The following NCAM2 variants were observed in gnomAD, a reference collection of about 807,000 sequenced individuals.
NCAM2 encodes N-CAM-2.
NCAM2 carries 30 observed loss-of-function variants against 98.1 expected under a neutral mutation model. The ratio of observed to expected loss-of-function variants is 0.31; its 90% CI spans 0.23 to 0.41. The LOEUF is 0.41. NCAM2 is among the 10% of genes least tolerant of loss of function. The pLI is 1.00. For missense variants in NCAM2, 867 were observed against 1,005.8 expected (o/e 0.86, Z 1.87); for synonymous variants, 368 against 342.4 (o/e 1.07, Z -0.83).
chr21:21,516,170 T>A (rs1988701322), intron 16 of NCAM2, among the ~76,000 whole-genome samples: 1 of 152,282 alleles, frequency 6.6e-6, no homozygotes, highest in East Asian at 1.9e-4. Context: ...CAGTTTGTAC[T>A]CTTTCGTGTC....
At chr21:21,387,187 T>TACACACACACACACAC (rs61585220) in intron 9 of NCAM2, among the ~76,000 whole-genome samples, 7 of 121,314 alleles carry the variant, frequency 5.8e-5, no homozygotes, top group African/African-American at 1.1e-4. Context: ...CACACACACA[T>TACACACACACACACAC]ACACACACAC....
intron 14 of NCAM2, among the ~76,000 whole-genome samples, chr21:21,470,089 A>G (rs73896919): frequency 0.016 from 2,419 of 152,134 alleles, 71 homozygotes; most frequent in African/African-American, 0.056. Flanking sequence ...CTAAAATGCA[A>G]TGACTACTTG....
intron 8 of NCAM2, among the ~76,000 whole-genome samples, chr21:21,348,415 A>G (rs1187290120): frequency 6.6e-6 from 1 of 152,132 alleles, no homozygotes; most frequent in East Asian, 1.9e-4. Flanking sequence ...TCTATAATGA[A>G]AACTTTGTAA....
Position 21,292,248 on chromosome 21 carries a change from A to G in NCAM2, c.619+7A>G. ...ATCATTGTTATTGTTAATGGTAAGC[A>G]GTAAATAATTTGTACATGTTTTATG... On this transcript the variant is annotated splice_region_variant and intron_variant, in intron 5 of 17. Transcript: ENST00000400546. 6.2e-7 allele frequency: 1 copy of G among 1,600,876 alleles called. No homozygotes were observed.
chr21:21,159,850 C>A (rs1379164381), intron 1 of NCAM2, among the ~76,000 whole-genome samples: 2 of 151,168 alleles, frequency 1.3e-5, no homozygotes, highest in Non-Finnish European at 2.9e-5. Context: ...GTGGTTTAAA[C>A]ATTTATAATG....
intron 15 of NCAM2, among the ~76,000 whole-genome samples, chr21:21,497,524 T>C (rs1987328764): frequency 6.6e-6 from 1 of 152,160 alleles, no homozygotes; most frequent in African/African-American, 2.4e-5. Flanking sequence ...GCTACCTTTT[T>C]ACTGTTCCGA....
At chr21:21,237,811 TAACC>T (rs2070893549) in intron 1 of NCAM2, among the ~76,000 whole-genome samples, 1 of 152,118 alleles carries the variant, frequency 6.6e-6, no homozygotes, top group African/African-American at 2.4e-5. Flanking sequence ...TGGAATTTCT[TAACC>T]AATACTCATA....
chr21:21,289,963 TAAAC>T (rs1262308158), intron 4 of NCAM2: 1 of 151,838 alleles, frequency 6.6e-6, no homozygotes, highest in East Asian at 1.9e-4. Context: ...TAAATAACGA[TAAAC>T]AGAGAAGTGA....
intron 1 of NCAM2, among the ~76,000 whole-genome samples, chr21:21,042,152 C>T (rs544759495): frequency 1.1e-3 from 161 of 152,216 alleles, no homozygotes; most frequent in African/African-American, 3.8e-3. Context: ...ATAGACTGCT[C>T]TGTGGAATAA....
rs138364603 is a variant in NCAM2 at position 21,530,384 on chromosome 21, T to C, written c.2283-4153T>C. Among the ~76,000 whole-genome samples, 66 of 147,376 alleles carry C rather than the reference T, an allele frequency of 4.5e-4. 1 individual carries two copies. The East Asian group carries it at 0.012, about 26-fold the overall frequency. ...TTTGATTACATTAAATTATATATAATTTTATTTAAACACTCAAAAATCAAA... is the reference window on the plus strand; with the variant it reads ...TTTGATTACATTAAATTATATATAACTTTATTTAAACACTCAAAAATCAAA... On this transcript the variant is annotated intron_variant, in intron 16 of 17. Coordinates refer to ENST00000400546, the MANE Select transcript of NCAM2 (RefSeq NM_004540.5).
chr21:21,269,760 C>A lies in NCAM2; in HGVS notation c.56-10818C>A, dbSNP rs1205178547. ...TTCTAATGTGGAAGAGGGTGTTTTC[C>A]TTTTTCTCTACAATATTTTGTAGTA... is the stretch of plus-strand genomic sequence containing the variant. On this transcript the variant is annotated intron_variant, in intron 1 of 17. Transcript: ENST00000400546. Among the ~76,000 whole-genome samples the A allele has an allele frequency of 9.2e-5, 14 of 151,922 alleles. 1 individual carries two copies. The highest frequency in any genetic ancestry group is 9.2e-4 in the Admixed American group (14 of 15,236).
chr21:21,029,467 GT>G (rs1423037847), intron 1 of NCAM2, among the ~76,000 whole-genome samples: 1 of 152,068 alleles, frequency 6.6e-6, no homozygotes, highest in Non-Finnish European at 1.5e-5. Flanking sequence ...AACTTTTGAG[GT>G]TGTCAGTTGG....
intron 1 of NCAM2, among the ~76,000 whole-genome samples, chr21:21,034,887 GTTTTTAAAA>G (rs2146238001): frequency 6.6e-6 from 1 of 152,174 alleles, no homozygotes; most frequent in Non-Finnish European, 1.5e-5. Context: ...ACCATATAGG[GTTTTTAAAA>G]GTTACCTTGC....
At chr21:20,998,715 A>C (rs1485725484) in intron 1 of NCAM2, 97 bp downstream of exon 1, 2 of 1,163,758 alleles carry the variant, frequency 1.7e-6, no homozygotes, top group African/African-American at 3.1e-5. Flanking sequence ...AAATGAAAGA[A>C]CTAAAGTTAC....
At chr21:21,079,870 C>T (rs758647017) in intron 1 of NCAM2, among the ~76,000 whole-genome samples, 4 of 152,214 alleles carry the variant, frequency 2.6e-5, no homozygotes, top group African/African-American at 7.2e-5. Flanking sequence ...ATAACTGTTA[C>T]CTACATGAAA....
chr21:21,304,169 G>A (rs897042712), intron 5 of NCAM2, among the ~76,000 whole-genome samples: 2 of 151,928 alleles, frequency 1.3e-5, no homozygotes, highest in Non-Finnish European at 2.9e-5. Flanking sequence ...ATCTACGAAT[G>A]TATTGTGTAA....
At chr21:21,117,052 TATG>T (rs1304508256) in intron 1 of NCAM2, among the ~76,000 whole-genome samples, 1 of 152,188 alleles carries the variant, frequency 6.6e-6, no homozygotes, top group Non-Finnish European at 1.5e-5. Context: ...CAGTGTACAA[TATG>T]ATGATTTGAT....
intron 1 of NCAM2, among the ~76,000 whole-genome samples, chr21:21,167,597 A>T (rs1054150664): frequency 1.3e-5 from 2 of 152,154 alleles, no homozygotes; most frequent in Admixed American, 6.5e-5. Context: ...CTCAGAAAAT[A>T]GAAAAAAGAA....
intron 11 of NCAM2, among the ~76,000 whole-genome samples, chr21:21,430,963 A>G (rs779830009): frequency 5.4e-5 from 8 of 149,008 alleles, no homozygotes; most frequent in Non-Finnish European, 8.9e-5. Context: ...GGAGAATGGC[A>G]TGAACCCAGG....
Sources: allele counts gnomAD v4.1 joint callset (sites outside exome capture counted in the v4.1 genomes callset), GRCh38; gene constraint gnomAD v4.1.1; transcripts MANE v1.5; gene names NCBI Gene and HGNC (gene_info 2026-07-23, HGNC 2026-07-21).